UACA: variants seen among roughly 807,000 people sequenced by gnomAD.
UACA encodes nuclear membrane binding protein.
UACA carries 112 observed loss-of-function variants against 160.5 expected under a neutral mutation model. The observed-to-expected ratio is 0.70, with a 90% CI of 0.60 to 0.82. UACA has a LOEUF of 0.82. Among genes scored for constraint, UACA ranks in the 40% least tolerant of loss-of-function variants. The probability of loss-of-function intolerance (pLI) is 0.00; values close to 1 mark genes in which losing one functional copy is unlikely to be tolerated. For synonymous variants in UACA, 557 were observed against 568.4 expected, an observed-to-expected ratio of 0.98 and a Z score of 0.29; for missense variants, 1,574 against 1,614.6, an observed-to-expected ratio of 0.97 and a Z score of 0.43.
In UACA at chr15:70,759,032, C is replaced by T. The variant is rs116741291; in HGVS notation, c.78+4298G>A. On this transcript the variant is annotated intron_variant, in intron 1 of 18. Coordinates refer to ENST00000322954, the MANE Select transcript of UACA (RefSeq NM_018003.4). ...CTAGGACCACAGGCATGCACCATCA[C>T]GTCGGGCTAATCTTGTATTTTTTGT... Among the ~76,000 whole-genome samples, 1,469 of 152,252 alleles carry T rather than the reference C, an allele frequency of 9.6e-3. 31 individuals are homozygous for T. The highest frequency in any genetic ancestry group is 0.033 in the African/African-American group (1,365 of 41,540).
chr15:70,657,823 T>C (rs962695024), intron 18 of UACA, among the ~76,000 whole-genome samples: 1 of 151,990 alleles, frequency 6.6e-6, no homozygotes, highest in Non-Finnish European at 1.5e-5. Flanking sequence ...GGCTCACACC[T>C]GCAATCCCAG....
At chr15:70,682,709 T>C in intron 9 of UACA, 49 bp downstream of exon 9, 1 of 1,236,390 alleles carries the variant, frequency 8.1e-7, no homozygotes, top group Non-Finnish European at 1.1e-6. Flanking sequence ...ACTAAGCACT[T>C]TAAACTATAC....
chr15:70,658,342 G>A (rs1361016292), intron 18 of UACA, among the ~76,000 whole-genome samples: 1 of 152,134 alleles, frequency 6.6e-6, no homozygotes, highest in Non-Finnish European at 1.5e-5. Context: ...GATTACTAGA[G>A]AAGAAATTGC....
At chr15:70,740,189 G>A (rs1899486545) in intron 1 of UACA, among the ~76,000 whole-genome samples, 1 of 152,010 alleles carries the variant, frequency 6.6e-6, no homozygotes, top group Admixed American at 6.5e-5. Context: ...GAAATACTGT[G>A]AATCTTATAA....
intron 1 of UACA, among the ~76,000 whole-genome samples, chr15:70,710,702 A>T (rs184997602): frequency 2.0e-5 from 3 of 152,190 alleles, no homozygotes; most frequent in South Asian, 2.1e-4. Context: ...TTACTCGTTT[A>T]TTGTAAAGGA....
At chr15:70,718,056 CACATAT>C (rs1374665243) in intron 1 of UACA, among the ~76,000 whole-genome samples, 1 of 151,372 alleles carries the variant, frequency 6.6e-6, no homozygotes, top group African/African-American at 2.4e-5. Flanking sequence ...CACACACACA[CACATAT>C]ATATCCTATT....
intron 1 of UACA, among the ~76,000 whole-genome samples, chr15:70,711,737 T>C (rs1232634285): frequency 1.3e-5 from 2 of 152,064 alleles, no homozygotes; most frequent in Admixed American, 6.5e-5. Flanking sequence ...GGCAGACAGA[T>C]ACATATATAA....
At chr15:70,739,760 G>A (rs1393262584) in intron 1 of UACA, among the ~76,000 whole-genome samples, 1 of 152,028 alleles carries the variant, frequency 6.6e-6, no homozygotes, top group Non-Finnish European at 1.5e-5. Flanking sequence ...AATACTACTG[G>A]CTCTAGATTT....
At chr15:70,719,260 C>T (rs928325415) in intron 1 of UACA, among the ~76,000 whole-genome samples, 2 of 152,106 alleles carry the variant, frequency 1.3e-5, no homozygotes, top group East Asian at 1.9e-4. Context: ...CCATTTCCAA[C>T]AAGTAAAAAG....
At position 70,690,436 on chromosome 15, in the gene UACA, A is replaced by G; in HGVS notation, c.424+18T>C. ...ACATTTTAACAAATATTTGTATCCA[A>G]GGGAAACCACTGCTCACCGGCATCG... On this transcript the variant is annotated intron_variant, in intron 5 of 18. Coordinates refer to ENST00000322954, the MANE Select transcript of UACA (RefSeq NM_018003.4). The G allele has an allele frequency of 6.2e-7, 1 of 1,610,754 alleles. No homozygotes were observed. The highest frequency in any genetic ancestry group is 8.5e-7 in the Non-Finnish European group (1 of 1,178,122).
chr15:70,690,296 G>A (rs1429995125), intron 5 of UACA, among the ~76,000 whole-genome samples, 158 bp downstream of exon 5: 2 of 151,842 alleles, frequency 1.3e-5, no homozygotes, highest in African/African-American at 4.8e-5. Flanking sequence ...CTTTTTAAGC[G>A]GTATAATCTA....
At chr15:70,748,418 C>A (rs1223099869) in intron 1 of UACA, among the ~76,000 whole-genome samples, 2 of 152,158 alleles carry the variant, frequency 1.3e-5, no homozygotes. Flanking sequence ...TGTTCTGCAT[C>A]AGTCTGCAGC....
At chr15:70,772,289 C>A in the UACA span, among the ~76,000 whole-genome samples, 4 of 151,534 alleles carry the variant, frequency 2.6e-5, no homozygotes, top group Non-Finnish European at 5.9e-5. Context: ...GTCAGGAGAT[C>A]GAGACCATCC....
At chr15:70,770,494 A>G in the UACA span, among the ~76,000 whole-genome samples, 27,547 of 152,192 alleles carry the variant, frequency 0.18, 3,796 homozygotes, top group African/African-American at 0.39. Flanking sequence ...ATCAGTGTAT[A>G]CTTTCCCTCT....
At chr15:70,760,957 T>C (rs2030717169) in intron 1 of UACA, among the ~76,000 whole-genome samples, 4 of 152,212 alleles carry the variant, frequency 2.6e-5, no homozygotes, top group Admixed American at 2.6e-4. Flanking sequence ...GAAAGGAAAC[T>C]TGACAACATC....
rs1362409814 is a variant in UACA at position 70,656,144 on chromosome 15, CTG to C, written c.*910_*911del. The C allele has an allele frequency of 2.6e-5, 4 of 152,148 alleles. No homozygotes were observed. The highest frequency in any genetic ancestry group is 6.5e-5 in the Admixed American group (1 of 15,280). The allele number at this position is 152,148 out of a possible 1,614,324, so 9.4% of individuals were successfully genotyped here. On this transcript the variant is annotated 3_prime_UTR_variant, in exon 19 of 19. Transcript: ENST00000322954. ...CTCTAATGCTAATTTTGCAGGAAAA[CTG>C]TATTTCACATTATTAATCTCATTAA...
At chr15:70,737,757 G>A (rs1293157347) in intron 1 of UACA, among the ~76,000 whole-genome samples, 2 of 152,110 alleles carry the variant, frequency 1.3e-5, no homozygotes, top group Non-Finnish European at 2.9e-5. Flanking sequence ...TAGTCTATTT[G>A]CTTATATTCA....
At chr15:70,711,168 C>G (rs1422039153) in intron 1 of UACA, among the ~76,000 whole-genome samples, 1 of 152,136 alleles carries the variant, frequency 6.6e-6, no homozygotes, top group East Asian at 1.9e-4. Flanking sequence ...ATCATAATAT[C>G]AAAAGCACAT....
chr15:70,664,905 A>C lies in UACA; in HGVS notation c.3961-91T>G, dbSNP rs537650501. ...AGAAATCATTCCTTTTTGGAGACAG[A>C]AGCTTTATCTTTATACACCAGAAAA... On this transcript the variant is annotated intron_variant, in intron 16 of 18. Transcript: ENST00000322954. 3.5e-4 allele frequency: 430 copies of C among 1,222,442 alleles called. 1 individual carries two copies. Among genetic ancestry groups the C allele is most frequent in the Non-Finnish European group, 4.6e-4 (416 of 902,160 alleles). The allele number at this position is 1,222,442 out of a possible 1,614,324, so 75.7% of individuals were successfully genotyped here. A position where few individuals can be genotyped will look rare whatever the true frequency, so the allele number is the denominator to read the frequency against.
Sources: gnomAD v4.1 joint callset for allele counts (sites outside exome capture counted in the v4.1 genomes callset) on GRCh38, gnomAD v4.1.1 for gene constraint, MANE v1.5 for transcripts, NCBI Gene and HGNC (gene_info 2026-07-23, HGNC 2026-07-21) for gene names.